Variants in FER1L6 observed in about 807,000 individuals in gnomAD.
FER1L6 encodes the protein fer-1-like protein 6.
Under a neutral mutation model 219.2 loss-of-function variants are expected in FER1L6, and 177 were observed. That is an observed-to-expected ratio of 0.81 (90% CI 0.71 to 0.91). The LOEUF is 0.91. FER1L6 is among the 40% of genes least tolerant of loss of function. The pLI is 0.00. For missense variants in FER1L6, 2,153 were observed against 2,259.9 expected (o/e 0.95, Z 0.96); for synonymous variants, 768 against 824.3 (o/e 0.93, Z 1.17).
In FER1L6 at chr8:124,081,370, C is replaced by A. The variant is rs531028552; in HGVS notation, c.4221-918C>A. On this transcript the variant is annotated intron_variant, in intron 32 of 40. Transcript: ENST00000522917. ...CATTAATGTTCCTTGAGACACCTTG[C>A]GTTGGTGTGGTTTCATGGAAGGAGC... Among the ~76,000 whole-genome samples, 4 of 152,106 alleles carry A rather than the reference C, an allele frequency of 2.6e-5. No homozygotes were observed. The East Asian group carries it at 7.7e-4, about 29-fold the overall frequency.
chr8:124,047,280 A>G (rs1819779375), intron 21 of FER1L6, among the ~76,000 whole-genome samples: 1 of 152,222 alleles, frequency 6.6e-6, no homozygotes, highest in South Asian at 2.1e-4. Flanking sequence ...GCTACTTTCT[A>G]GCTCTATGCC....
chr8:124,079,296 T>C (rs571908696), intron 32 of FER1L6, among the ~76,000 whole-genome samples: 10 of 152,366 alleles, frequency 6.6e-5, no homozygotes, highest in Admixed American at 3.9e-4. Flanking sequence ...AACTTATCTT[T>C]TGGTGGAGAC....
intron 17 of FER1L6, among the ~76,000 whole-genome samples, chr8:124,022,900 G>T (rs1471566877): frequency 8.3e-6 from 1 of 119,772 alleles, no homozygotes; most frequent in Non-Finnish European, 1.8e-5. Flanking sequence ...ATGTGGGTTT[G>T]TAGGCACTTT....
chr8:123,907,453 G>A (rs1233362869), intron 1 of FER1L6, among the ~76,000 whole-genome samples: 5 of 151,968 alleles, frequency 3.3e-5, no homozygotes, highest in Admixed American at 3.3e-4. Context: ...ATCTGATGGG[G>A]CAACCCTGAC....
intron 1 of FER1L6, among the ~76,000 whole-genome samples, chr8:123,952,400 C>T (rs1342840709): frequency 6.6e-6 from 1 of 152,198 alleles, no homozygotes; most frequent in Non-Finnish European, 1.5e-5. Flanking sequence ...TAACATGTGC[C>T]TCATTTAATG....
chr8:123,994,514 C>T (rs924122116), intron 12 of FER1L6, among the ~76,000 whole-genome samples: 1 of 152,188 alleles, frequency 6.6e-6, no homozygotes, highest in Non-Finnish European at 1.5e-5. Context: ...CTTTCACCCA[C>T]GGTATTCCAC....
At chr8:124,117,112 CT>C (rs1823280088) in intron 39 of FER1L6, among the ~76,000 whole-genome samples, 1 of 152,186 alleles carries the variant, frequency 6.6e-6, no homozygotes, top group Non-Finnish European at 1.5e-5. Context: ...GGGAGGCAGC[CT>C]GCTATAATGG....
At position 124,035,428 on chromosome 8, in the gene FER1L6, A is replaced by AC. The variant is rs564006227; in HGVS notation, c.2444dup (p.Ser816IlefsTer2). The AC allele has an allele frequency of 8.7e-6, 14 of 1,611,564 alleles. No individual in the cohort carries two copies. Among genetic ancestry groups the AC allele is most frequent in the African/African-American group, 6.7e-5 (5 of 74,434 alleles). On this transcript the variant is annotated frameshift_variant, in exon 19 of 41. Coordinates refer to ENST00000522917, the MANE Select transcript of FER1L6 (RefSeq NM_001039112.2). LOFTEE classifies it high-confidence loss of function. The stretch of plus-strand genomic sequence containing the variant: ...TCCTCCAAAGGGGCTGGCACCAATC[A>AC]CCCCCCATCTAACCTGCTCTACCAA...
At chr8:124,003,114 C>G (rs1646564817) in intron 12 of FER1L6, 53 bp from the exon 13 acceptor site, 1 of 1,503,380 alleles carries the variant, frequency 6.7e-7, no homozygotes, top group African/African-American at 1.4e-5. Context: ...GCCAAGCAGA[C>G]TGATTCTGAT....
At chr8:123,865,428 C>G (rs1586427996) in intron 1 of FER1L6, among the ~76,000 whole-genome samples, 2 of 150,328 alleles carry the variant, frequency 1.3e-5, no homozygotes, top group Admixed American at 6.6e-5. Flanking sequence ...TTACTGCTGT[C>G]TTTTTGTTTG....
At chr8:123,944,242 T>G (rs1814383848) in intron 1 of FER1L6, among the ~76,000 whole-genome samples, 1 of 150,482 alleles carries the variant, frequency 6.6e-6, no homozygotes, top group South Asian at 2.1e-4. Flanking sequence ...ATAAAATTAA[T>G]GAATATATTT....
Position 124,101,264 on chromosome 8 carries a change from T to TG in FER1L6, c.5053dup (p.Glu1685GlyfsTer3), listed in dbSNP as rs1822538443. Reference sequence around the variant, plus strand: ...GAGAACATCTTCTCTTTAGAGAAGATGGAGTGTAAGACTCCTGCTGTGTTG... The same window carrying TG: ...GAGAACATCTTCTCTTTAGAGAAGATGGGAGTGTAAGACTCCTGCTGTGTTG... On this transcript the variant is annotated frameshift_variant, in exon 38 of 41. Coordinates refer to ENST00000522917, the MANE Select transcript of FER1L6 (RefSeq NM_001039112.2). LOFTEE classifies it high-confidence loss of function. 8.1e-6 allele frequency: 13 copies of TG among 1,613,844 alleles called. No homozygotes were observed. Among genetic ancestry groups the TG allele is most frequent in the Non-Finnish European group, 1.1e-5 (13 of 1,179,898 alleles).
intron 25 of FER1L6, among the ~76,000 whole-genome samples, chr8:124,062,838 C>T (rs1420650728): frequency 9.9e-5 from 15 of 152,012 alleles, no homozygotes; most frequent in South Asian, 2.1e-4. Flanking sequence ...CATTAATTAG[C>T]GCCAGGGGCC....
At chr8:123,995,117 G>A (rs1817066251) in intron 12 of FER1L6, among the ~76,000 whole-genome samples, 1 of 152,182 alleles carries the variant, frequency 6.6e-6, no homozygotes, top group Admixed American at 6.5e-5. Flanking sequence ...GTTTCTTTCA[G>A]AAAGTTTTCC....
intron 1 of FER1L6, among the ~76,000 whole-genome samples, chr8:123,879,673 A>ATAACT (rs112209106): frequency 6.6e-6 from 1 of 151,360 alleles, no homozygotes; most frequent in Non-Finnish European, 1.5e-5. Context: ...AGTGCCACTA[A>ATAACT]TATGTGTATT....
intron 1 of FER1L6, among the ~76,000 whole-genome samples, chr8:123,915,313 C>A (rs754193255): frequency 2.6e-5 from 4 of 151,846 alleles, no homozygotes; most frequent in African/African-American, 9.7e-5. Context: ...GGGTGAGGGG[C>A]AGTTTGTCAT....
intron 20 of FER1L6, among the ~76,000 whole-genome samples, chr8:124,044,707 TA>T (rs1819647141): frequency 1.3e-5 from 2 of 152,256 alleles, no homozygotes. Context: ...TTTCCAGGAC[TA>T]GTCTCCTGCA....
In FER1L6 at chr8:123,896,873, G is replaced by C. The variant is rs146203394; in HGVS notation, c.-8+44688G>C. On this transcript the variant is annotated intron_variant, in intron 1 of 40. Transcript: ENST00000522917. ...CATATATCAATGTGGCTGCCCTGCAGCTATTCTAGGGCAGGGGATAGGCTT... is the reference window on the plus strand; with the variant it reads ...CATATATCAATGTGGCTGCCCTGCACCTATTCTAGGGCAGGGGATAGGCTT... Among the ~76,000 whole-genome samples, 1,132 of 152,208 alleles carry C rather than the reference G, an allele frequency of 7.4e-3. 13 individuals are homozygous for C. Among genetic ancestry groups the C allele is most frequent in the African/African-American group, 0.026 (1,082 of 41,528 alleles).
Position 124,070,563 on chromosome 8 carries a change from G to A in FER1L6, c.3931G>A (p.Gly1311Ser). 4 of 1,601,352 alleles carry A rather than the reference G, an allele frequency of 2.5e-6. No individual in the cohort carries two copies. The highest frequency in any genetic ancestry group is 3.4e-6 in the Non-Finnish European group (4 of 1,176,362). ...AGGCAAGTCTACGGAAGATGACCATGGTCTTGATGGAGACCGAGTCATAGG... is the reference window on the plus strand; with the variant it reads ...AGGCAAGTCTACGGAAGATGACCATAGTCTTGATGGAGACCGAGTCATAGG... ...FRGKSTEDDHGLDGDRVIGKF... is the reference protein window; with the variant it reads ...FRGKSTEDDHSLDGDRVIGKF... Residue 1311 changes from glycine (G) to serine (S), a missense_variant, in exon 30 of 41, where the codon GGT becomes AGT. Transcript: ENST00000522917.
Sources: gnomAD v4.1 joint callset for allele counts (sites outside exome capture counted in the v4.1 genomes callset) on GRCh38, gnomAD v4.1.1 for gene constraint, MANE v1.5 for transcripts, NCBI Gene and HGNC (gene_info 2026-07-23, HGNC 2026-07-21) for gene names.